Variants in MSTN observed in about 807,000 individuals in gnomAD.
MSTN encodes growth/differentiation factor 8.
MSTN carries 12 observed loss-of-function variants against 32.3 expected under a neutral mutation model. The ratio of observed to expected loss-of-function variants is 0.37; its 90% CI spans 0.24 to 0.60. The LOEUF is 0.60. Among genes scored for constraint, MSTN ranks in the 20% least tolerant of loss-of-function variants. The pLI, the probability that MSTN is intolerant of heterozygous loss-of-function variation, is 0.67. For missense variants in MSTN, 403 were observed against 450.3 expected, an observed-to-expected ratio of 0.89 and a Z score of 0.95; for synonymous variants, 168 against 155.1, an observed-to-expected ratio of 1.08 and a Z score of -0.62.
intron 1 of MSTN, 83 bp downstream of exon 1, chr2:190,062,141 G>C: frequency 6.7e-7 from 1 of 1,494,464 alleles, no homozygotes; most frequent in South Asian, 1.2e-5. Context: ...TTGTTTAAAA[G>C]AGCCTGAAAA....
intron 1 of MSTN, 134 bp from the exon 2 acceptor site, chr2:190,060,569 T>C (rs1372221676): frequency 3.9e-6 from 3 of 765,144 alleles, no homozygotes; most frequent in Non-Finnish European, 6.1e-6. Context: ...AAATACCGTG[T>C]GGAACTTTAT....
At position 190,062,627 on chromosome 2, in the gene MSTN, G is replaced by A. The variant is rs1553617205; in HGVS notation, c.-31C>T. The A allele has an allele frequency of 1.9e-6, 3 of 1,600,070 alleles. No individual in the cohort carries two copies. The African/African-American group carries it at 4.0e-5, about 22-fold the overall frequency. On this transcript the variant is annotated 5_prime_UTR_variant, in exon 1 of 3. Coordinates refer to ENST00000260950, the MANE Select transcript of MSTN (RefSeq NM_005259.3). ...TAAAATCAATATAATCTTTTTTCTT[G>A]TTCTTGTTTCTTCCTTTTACTTTTC...
chr2:190,060,613 T>C (rs1685565615), intron 1 of MSTN, among the ~76,000 whole-genome samples, 178 bp from the exon 2 acceptor site: 1 of 152,058 alleles, frequency 6.6e-6, no homozygotes, highest in South Asian at 2.1e-4. Context: ...ATAATTACCC[T>C]AGCTTTTCAG....
In MSTN at chr2:190,062,689, C is replaced by T. The variant is rs1040823517; in HGVS notation, c.-93G>A. The T allele has an allele frequency of 2.4e-6, 3 of 1,228,694 alleles. No individual in the cohort carries two copies. Among genetic ancestry groups the T allele is most frequent in the Non-Finnish European group, 3.4e-6 (3 of 872,128 alleles). 76.1% of individuals were successfully genotyped at this position (1,228,694 alleles called of 1,614,324 possible). On this transcript the variant is annotated 5_prime_UTR_variant, in exon 1 of 3. It removes an upstream start codon present in the reference 5' UTR. Transcript: ENST00000260950. ...AGTAATGCCAAGCAAAATTTTAATG[C>T]ATGTACAGTCTGAGAGACAACTTGC...
In MSTN at chr2:190,057,194, C is replaced by T; in HGVS notation, c.*64G>A. 6.3e-7 allele frequency: 1 copy of T among 1,589,008 alleles called. No individual in the cohort carries two copies. Among genetic ancestry groups the T allele is most frequent in the East Asian group, 2.2e-5 (1 of 44,632 alleles). ...TAGCCTGTGGTACTTAATTTCACAG[C>T]TTCAAAATTGTTGAGGGGAAAACCT... On this transcript the variant is annotated 3_prime_UTR_variant, in exon 3 of 3. Transcript: ENST00000260950.
rs986865377 is a variant in MSTN, at chr2:190,060,086, G to A, written c.723C>T (p.Phe241=). ...DENGHDLAVT[F]PGPGEDGLNP... is the part of the protein sequence containing the mutation. ...CCAGCCCATCTTCTCCTGGTCCTGG[G>A]AAGGTTACAGCAAGATCATGACCAT... is the stretch of plus-strand genomic sequence containing the variant. Residue 241 remains phenylalanine (F), a synonymous_variant, in exon 2 of 3, where the codon TTC becomes TTT. Coordinates refer to ENST00000260950, the MANE Select transcript of MSTN (RefSeq NM_005259.3). 5.6e-6 allele frequency: 9 copies of A among 1,612,488 alleles called. No homozygotes were observed. Among genetic ancestry groups the A allele is most frequent in the Non-Finnish European group, 7.6e-6 (9 of 1,178,872 alleles).
At position 190,062,422 on chromosome 2, in the gene MSTN, G is replaced by A. The variant is rs1428435597; in HGVS notation, c.175C>T (p.Gln59Ter). The change falls in exon 1 of 3, where the codon CAA becomes TAA. Residue 59 changes from glutamine (Q) to a stop codon, truncating the protein, a stop_gained. Coordinates refer to ENST00000260950, the MANE Select transcript of MSTN (RefSeq NM_005259.3). LOFTEE classifies it high-confidence loss of function. ...TCCAGACGAAGTTTACTGAGGATTTGTATCTTAATGGCTTCTATTCTTGAA... is the reference window on the plus strand; with the variant it reads ...TCCAGACGAAGTTTACTGAGGATTTATATCTTAATGGCTTCTATTCTTGAA... ...KSSRIEAIKIQILSKLRLETA... is the reference protein window; with the variant it reads ...KSSRIEAIKI 1 of 1,613,394 alleles carries A rather than the reference G, an allele frequency of 6.2e-7. No homozygotes were observed. The highest frequency in any genetic ancestry group is 8.5e-7 in the Non-Finnish European group (1 of 1,179,622).
At chr2:190,062,128 A>G in intron 1 of MSTN, 96 bp downstream of exon 1, 3 of 1,336,560 alleles carry the variant, frequency 2.2e-6, no homozygotes, top group Non-Finnish European at 3.1e-6. Context: ...ACAGGCCAAC[A>G]GCTTGTTTAA....
chr2:190,061,221 T>C (rs1032540989), intron 1 of MSTN, among the ~76,000 whole-genome samples: 1 of 152,046 alleles, frequency 6.6e-6, no homozygotes, highest in South Asian at 2.1e-4. Context: ...GGAAATAATA[T>C]TTTAAAACTG....
In MSTN at chr2:190,057,557, T is replaced by C. The variant is rs750136925; in HGVS notation, c.829A>G (p.Thr277Ala). 4.3e-6 allele frequency: 7 copies of C among 1,613,474 alleles called. No homozygotes were observed. The highest frequency in any genetic ancestry group is 4.0e-5 in the African/African-American group (3 of 74,882). Residue 277 changes from threonine to alanine, a missense_variant, in exon 3 of 3, where the codon ACA (threonine) becomes GCA (alanine). Coordinates refer to ENST00000260950, the MANE Select transcript of MSTN (RefSeq NM_005259.3). Reference sequence around the variant, plus strand: ...GGGTAACGACAGCATCGTGATTCTGTTGAGTGCTCATCACAGTCAAGACCA... The same window carrying C: ...GGGTAACGACAGCATCGTGATTCTGCTGAGTGCTCATCACAGTCAAGACCA... ...DFGLDCDEHSTESRCCRYPLT... is the reference protein window; with the variant it reads ...DFGLDCDEHSAESRCCRYPLT...
rs746519464 is a variant in MSTN, at chr2:190,060,190, C to G, written c.619G>C (p.Asp207His). 13 of 1,613,066 alleles carry G rather than the reference C, an allele frequency of 8.1e-6. No individual in the cohort carries two copies. The South Asian group carries it at 1.4e-4, about 18-fold the overall frequency. Residue 207 changes from aspartate to histidine, a missense_variant, in exon 2 of 3, where the codon GAT becomes CAT. Physicochemically the swap from Asp to His is moderately conservative, Grantham distance 81. Coordinates refer to ENST00000260950, the MANE Select transcript of MSTN (RefSeq NM_005259.3). The part of the protein sequence containing the change: ...NPGTGIWQSI[D>H]VKTVLQNWLK... ...CAATTTTGCAACACTGTCTTCACATCAATGCTCTGCCAAATACCAGTGCCT... is the reference window on the plus strand; with the variant it reads ...CAATTTTGCAACACTGTCTTCACATGAATGCTCTGCCAAATACCAGTGCCT...
In MSTN at chr2:190,056,562, T is replaced by A. The variant is rs1158392857; in HGVS notation, c.*696A>T. The stretch of plus-strand genomic sequence containing the variant: ...CTCTAGAAAAATGATTCTTCTTACA[T>A]TAAAGAAAATCCATTCCTCATTTGG... On this transcript the variant is annotated 3_prime_UTR_variant, in exon 3 of 3. Coordinates refer to ENST00000260950, the MANE Select transcript of MSTN (RefSeq NM_005259.3). 1.3e-5 allele frequency: 2 copies of A among 152,540 alleles called. No homozygotes were observed. The highest frequency in any genetic ancestry group is 2.9e-5 in the Non-Finnish European group (2 of 67,994). The allele number at this position is 152,540 out of a possible 1,614,324, so 9.4% of individuals were successfully genotyped here.
chr2:190,056,270 A>G lies in MSTN; in HGVS notation c.*988T>C, dbSNP rs772132778. The G allele has an allele frequency of 6.6e-6, 1 of 152,546 alleles. No individual in the cohort carries two copies. The highest frequency in any genetic ancestry group is 1.5e-5 in the Non-Finnish European group (1 of 68,002). The allele number at this position is 152,546 out of a possible 1,614,324, so 9.4% of individuals were successfully genotyped here. On this transcript the variant is annotated 3_prime_UTR_variant, in exon 3 of 3. Coordinates refer to ENST00000260950, the MANE Select transcript of MSTN (RefSeq NM_005259.3). ...AATATACCAAAGTAAATAAAAAAGGAGACACTTATTTACAAAACAATATTG... is the reference window on the plus strand; with the variant it reads ...AATATACCAAAGTAAATAAAAAAGGGGACACTTATTTACAAAACAATATTG...
At position 190,062,652 on chromosome 2, in the gene MSTN, C is replaced by G; in HGVS notation, c.-56G>C. ...GTTCTTGTTTCTTCCTTTTACTTTT[C>G]TTTTGCTTTTGAGTAATGCCAAGCA... is the stretch of plus-strand genomic sequence containing the variant. On this transcript the variant is annotated 5_prime_UTR_variant, in exon 1 of 3. Transcript: ENST00000260950. 1.3e-6 allele frequency: 2 copies of G among 1,570,272 alleles called. No individual in the cohort carries two copies. The highest frequency in any genetic ancestry group is 2.3e-5 in the South Asian group (2 of 86,506).
chr2:190,062,313 T>C lies in MSTN; in HGVS notation c.284A>G (p.Asp95Gly). 6.2e-7 allele frequency: 1 copy of C among 1,613,366 alleles called. No homozygotes were observed. The highest frequency in any genetic ancestry group is 8.5e-7 in the Non-Finnish European group (1 of 1,179,498). The stretch of plus-strand genomic sequence containing the variant: ...ATCGCTGCTGTCATCCCTCTGGACA[T>C]CATACTGATCAATCAGTTCCCGGAG... ...PPLRELIDQY[D>G]VQRDDSSDGS... Residue 95 changes from aspartate to glycine, a missense_variant, in exon 1 of 3, where the codon GAT becomes GGT. Asp to Gly is a moderately conservative substitution (Grantham distance 94, BLOSUM62 -1). Coordinates refer to ENST00000260950, the MANE Select transcript of MSTN (RefSeq NM_005259.3).
intron 2 of MSTN, among the ~76,000 whole-genome samples, chr2:190,059,309 T>C (rs1402832747): frequency 6.6e-6 from 1 of 151,980 alleles, no homozygotes; most frequent in Non-Finnish European, 1.5e-5. Flanking sequence ...TTTTATTAAT[T>C]TTTGTGATAT....
Position 190,057,650 on chromosome 2 carries a change from G to C in MSTN, c.748-12C>G. 1 of 1,612,574 alleles carries C rather than the reference G, an allele frequency of 6.2e-7. No homozygotes were observed. The highest frequency in any genetic ancestry group is 8.5e-7 in the Non-Finnish European group (1 of 1,178,960). On this transcript the variant is annotated splice_polypyrimidine_tract_variant and intron_variant, in intron 2 of 2. Transcript: ENST00000260950. Reference sequence around the variant, plus strand: ...TCTAAAAACGGATTCTGTTTGAAAAGGAAAGAACAATCAGTAATATCAATA... The same window carrying C: ...TCTAAAAACGGATTCTGTTTGAAAACGAAAGAACAATCAGTAATATCAATA...
chr2:190,057,175 G>A lies in MSTN; in HGVS notation c.*83C>T. 1.4e-6 allele frequency: 2 copies of A among 1,478,364 alleles called. No individual in the cohort carries two copies. Among genetic ancestry groups the A allele is most frequent in the Non-Finnish European group, 1.9e-6 (2 of 1,062,682 alleles). 91.6% of individuals were successfully genotyped at this position (1,478,364 alleles called of 1,614,324 possible). A position where few individuals can be genotyped will look rare whatever the true frequency, so the allele number is the denominator to read the frequency against. ...GTAGCATACTCTAGGCCTATAGCCT[G>A]TGGTACTTAATTTCACAGCTTCAAA... On this transcript the variant is annotated 3_prime_UTR_variant, in exon 3 of 3. Coordinates refer to ENST00000260950, the MANE Select transcript of MSTN (RefSeq NM_005259.3).
chr2:190,060,314 A>G lies in MSTN; in HGVS notation c.495T>C (p.Thr165=). The change falls in exon 2 of 3, where the codon ACT becomes ACC. Residue 165 remains threonine, a synonymous_variant. Transcript: ENST00000260950. The part of the protein sequence containing the change: ...QLWIYLRPVE[T]PTTVFVQILR... ...GGATTTGCACAAACACTGTTGTAGG[A>G]GTCTCGACGGGTCTCAAATATATCC... The G allele has an allele frequency of 6.2e-7, 1 of 1,613,006 alleles. No individual in the cohort carries two copies. The highest frequency in any genetic ancestry group is 1.7e-5 in the Admixed American group (1 of 59,914).
Sources: gnomAD v4.1 joint callset for allele counts (sites outside exome capture counted in the v4.1 genomes callset) on GRCh38, gnomAD v4.1.1 for gene constraint, MANE v1.5 for transcripts, NCBI Gene and HGNC (gene_info 2026-07-23, HGNC 2026-07-21) for gene names.